Variants in MTMR2 observed in about 807,000 individuals in gnomAD.
The protein encoded by MTMR2 is myotubularin related protein 2.
Under a neutral mutation model 86.9 loss-of-function variants are expected in MTMR2, and 55 were observed. That is an observed-to-expected ratio of 0.63 (90% CI 0.51 to 0.79). The LOEUF (loss-of-function observed/expected upper bound fraction) is 0.79. Ranked by LOEUF, MTMR2 falls within the 30% of genes least tolerant of loss-of-function variation. MTMR2 has a pLI of 0.00. For synonymous variants in MTMR2, 241 were observed against 266.8 expected, an observed-to-expected ratio of 0.90 and a Z score of 0.94; for missense variants, 659 against 772.3, an observed-to-expected ratio of 0.85 and a Z score of 1.74.
At chr11:95,892,122 GC>G (rs1865735761) in intron 1 of MTMR2, among the ~76,000 whole-genome samples, 1 of 152,062 alleles carries the variant, frequency 6.6e-6, no homozygotes, top group Non-Finnish European at 1.5e-5. Context: ...AATTTCCACT[GC>G]TTTTTTTCCA....
chr11:95,835,561 C>T, intron 14 of MTMR2, 110 bp from the exon 15 acceptor site: 1 of 1,083,208 alleles, frequency 9.2e-7, no homozygotes, highest in South Asian at 1.3e-5. Context: ...GAACCAATGG[C>T]ACCTTTCCAA....
chr11:95,871,635 G>C (rs1591007500), intron 2 of MTMR2, among the ~76,000 whole-genome samples: 2 of 151,992 alleles, frequency 1.3e-5, no homozygotes, highest in East Asian at 1.9e-4. Flanking sequence ...TGGATATTAG[G>C]CCTTTGTCAG....
At chr11:95,849,984 C>T in intron 8 of MTMR2, 122 bp from the exon 9 acceptor site, 2 of 901,734 alleles carry the variant, frequency 2.2e-6, no homozygotes, top group Non-Finnish European at 3.5e-6. Context: ...GAAAGGACAT[C>T]TGAGGCTGCT....
At chr11:95,883,618 G>C (rs1471168153) in intron 2 of MTMR2, among the ~76,000 whole-genome samples, 1 of 152,072 alleles carries the variant, frequency 6.6e-6, no homozygotes, top group Non-Finnish European at 1.5e-5. Flanking sequence ...ATCTGTATAA[G>C]ACTTTTTCCA....
At chr11:95,899,201 A>C (rs934891610) in intron 1 of MTMR2, among the ~76,000 whole-genome samples, 2 of 152,154 alleles carry the variant, frequency 1.3e-5, no homozygotes, top group Non-Finnish European at 2.9e-5. Context: ...TAAAAATAAA[A>C]TAGGAGTGGA....
At chr11:95,869,235 G>GA (rs5793751) in intron 2 of MTMR2, among the ~76,000 whole-genome samples, 249 of 141,596 alleles carry the variant, frequency 1.8e-3, no homozygotes, top group South Asian at 0.013. Context: ...CCATGAAAAT[G>GA]AAAAAAAAAA....
intron 2 of MTMR2, among the ~76,000 whole-genome samples, chr11:95,883,572 G>A (rs1247101945): frequency 2.0e-5 from 3 of 152,088 alleles, no homozygotes; most frequent in South Asian, 2.1e-4. Flanking sequence ...GCCTGGATTC[G>A]TGCCCAATTT....
Position 95,842,964 on chromosome 11 carries a change from G to A in MTMR2, c.1387-1255C>T, listed in dbSNP as rs1465940691. On this transcript the variant is annotated intron_variant, in intron 11 of 14. Coordinates refer to ENST00000346299, the MANE Select transcript of MTMR2 (RefSeq NM_016156.6). ...TTTAATGGCCTGTGTGACAAAACGG[G>A]AAATATGTGTTAACTCTTTGCTACT... Among the ~76,000 whole-genome samples the A allele has an allele frequency of 1.3e-5, 2 of 152,064 alleles. 1 individual carries two copies. Among genetic ancestry groups the A allele is most frequent in the African/African-American group, 4.8e-5 (2 of 41,398 alleles).
intron 5 of MTMR2, among the ~76,000 whole-genome samples, chr11:95,861,056 A>G (rs978999718): frequency 5.3e-5 from 8 of 151,108 alleles, no homozygotes; most frequent in African/African-American, 2.0e-4. Flanking sequence ...GCTACTCGAG[A>G]GGCTGAGGCA....
intron 1 of MTMR2, among the ~76,000 whole-genome samples, chr11:95,911,923 T>C (rs1211196634): frequency 6.6e-6 from 1 of 152,152 alleles, no homozygotes; most frequent in Non-Finnish European, 1.5e-5. Flanking sequence ...AATTAGAAAG[T>C]CATATATCCA....
chr11:95,845,525 G>A (rs1198936014), intron 10 of MTMR2, among the ~76,000 whole-genome samples: 1 of 151,992 alleles, frequency 6.6e-6, no homozygotes, highest in Non-Finnish European at 1.5e-5. Flanking sequence ...AGCAATTGAA[G>A]CCTTGTTATG....
chr11:95,921,839 C>T (rs905042025), intron 1 of MTMR2, among the ~76,000 whole-genome samples: 1 of 152,140 alleles, frequency 6.6e-6, no homozygotes, highest in Non-Finnish European at 1.5e-5. Flanking sequence ...TCGAGGAGTA[C>T]TTAATTTTCT....
intron 3 of MTMR2, among the ~76,000 whole-genome samples, chr11:95,863,931 C>T (rs1167722954): frequency 6.6e-6 from 1 of 152,050 alleles, no homozygotes; most frequent in Non-Finnish European, 1.5e-5. Flanking sequence ...AATTCTTAGA[C>T]ACTGACTGGA....
At chr11:95,888,912 C>T (rs1850553015) in intron 1 of MTMR2, among the ~76,000 whole-genome samples, 1 of 152,000 alleles carries the variant, frequency 6.6e-6, no homozygotes. Flanking sequence ...AAACAAAAGG[C>T]AATGCAAAGG....
At position 95,832,994 on chromosome 11, in the gene MTMR2, C is replaced by T. The variant is rs750789094; in HGVS notation, c.*2296G>A. On this transcript the variant is annotated 3_prime_UTR_variant, in exon 15 of 15. Coordinates refer to ENST00000346299, the MANE Select transcript of MTMR2 (RefSeq NM_016156.6). The stretch of plus-strand genomic sequence containing the variant: ...ATAATGTGAATTGCAGTGGTAGTAG[C>T]GGTATACACAGTGCTATGGGGGCAC... The T allele has an allele frequency of 1.3e-5, 2 of 152,022 alleles. No individual in the cohort carries two copies. The highest frequency in any genetic ancestry group is 2.9e-5 in the Non-Finnish European group (2 of 68,004). The allele number at this position is 152,022 out of a possible 1,614,324, so 9.4% of individuals were successfully genotyped here.
chr11:95,865,550 T>C (rs1327387651), intron 3 of MTMR2, 51 bp downstream of exon 3: 1 of 1,487,690 alleles, frequency 6.7e-7, no homozygotes, highest in Non-Finnish European at 9.4e-7. Context: ...TACTGAACAT[T>C]CTGCACAGTA....
At chr11:95,885,046 C>G (rs1389888728) in intron 2 of MTMR2, among the ~76,000 whole-genome samples, 1 of 151,960 alleles carries the variant, frequency 6.6e-6, no homozygotes, top group Non-Finnish European at 1.5e-5. Context: ...TGTTAAAGAT[C>G]CTAAATTAGT....
chr11:95,886,765 T>A (rs1267179160), intron 2 of MTMR2, among the ~76,000 whole-genome samples: 2 of 152,170 alleles, frequency 1.3e-5, no homozygotes, highest in Non-Finnish European at 2.9e-5. Flanking sequence ...ACCAGAAGTA[T>A]GCCAAGACAT....
At chr11:95,896,902 T>TAA (rs777931000) in intron 1 of MTMR2, among the ~76,000 whole-genome samples, 55 of 129,830 alleles carry the variant, frequency 4.2e-4, no homozygotes, top group South Asian at 1.2e-3. Context: ...TGACAATCTT[T>TAA]AAAAAAAAAA....
Sources: allele counts gnomAD v4.1 joint callset (sites outside exome capture counted in the v4.1 genomes callset), GRCh38; gene constraint gnomAD v4.1.1; transcripts MANE v1.5; gene names NCBI Gene and HGNC (gene_info 2026-07-23, HGNC 2026-07-21).